Variants in HLTF observed in about 807,000 individuals in gnomAD.
HLTF encodes the protein DNA-dependent ATPase/E3 ubiquitin-protein ligase HLTF.
HLTF carries 127 observed loss-of-function variants against 129.4 expected under a neutral mutation model. The observed-to-expected ratio is 0.98, with a 90% CI of 0.85 to 1.14. The LOEUF (loss-of-function observed/expected upper bound fraction) is 1.14, where lower values mean the gene tolerates loss of function less well. Among genes scored for constraint, HLTF ranks in the 50% most tolerant of loss-of-function variants. The pLI, the probability that HLTF is intolerant of heterozygous loss-of-function variation, is 0.00. For synonymous variants in HLTF, 332 were observed against 388.8 expected (o/e 0.85, Z 1.72); for missense variants, 1,139 against 1,187.1 (o/e 0.96, Z 0.60).
At chr3:149,054,706 T>G (rs984282038) in intron 14 of HLTF, among the ~76,000 whole-genome samples, 1 of 152,152 alleles carries the variant, frequency 6.6e-6, no homozygotes, top group Non-Finnish European at 1.5e-5. Context: ...AAAAAATTTC[T>G]GATGGGTAGT....
At chr3:149,051,944 A>C (rs544803961) in intron 14 of HLTF, 3 of 152,182 alleles carry the variant, frequency 2.0e-5, no homozygotes, top group Non-Finnish European at 4.4e-5. Flanking sequence ...GAACGAGGTC[A>C]GGAGTTCGAG....
At chr3:149,063,864 A>C (rs1032486429) in intron 9 of HLTF, among the ~76,000 whole-genome samples, 3 of 152,122 alleles carry the variant, frequency 2.0e-5, no homozygotes, top group Admixed American at 1.3e-4. Context: ...TTACATGTTC[A>C]AATCTCAGAT....
intron 18 of HLTF, among the ~76,000 whole-genome samples, chr3:149,043,296 G>A (rs975329780): frequency 6.6e-6 from 1 of 151,498 alleles, no homozygotes; most frequent in Non-Finnish European, 1.5e-5. Flanking sequence ...AGAAAAGGAT[G>A]TAGGAAACAG....
intron 10 of HLTF, chr3:149,063,004 A>G (rs889995951): frequency 1.8e-5 from 8 of 453,986 alleles, no homozygotes; most frequent in Non-Finnish European, 3.1e-5. Context: ...AAATAAAAGA[A>G]TGTATTTGAA....
chr3:149,043,143 T>C (rs536109463), intron 18 of HLTF, among the ~76,000 whole-genome samples: 95 of 148,672 alleles, frequency 6.4e-4, no homozygotes, highest in African/African-American at 2.2e-3. Flanking sequence ...TGAAAAAATA[T>C]GGCAAGAGAA....
chr3:149,048,193 T>C (rs774672173), intron 16 of HLTF, 30 bp from the exon 17 acceptor site: 1 of 1,571,720 alleles, frequency 6.4e-7, no homozygotes, highest in Admixed American at 1.9e-5. Context: ...GTTATAACTC[T>C]TTAACCAGAG....
At chr3:149,047,210 A>G (rs1716617270) in intron 17 of HLTF, among the ~76,000 whole-genome samples, 1 of 44,130 alleles carries the variant, frequency 2.3e-5, no homozygotes, top group African/African-American at 2.2e-4. Context: ...GTTGAACCAC[A>G]TTACATCTTG....
intron 8 of HLTF, among the ~76,000 whole-genome samples, chr3:149,067,035 G>A (rs1357198961): frequency 6.6e-6 from 1 of 151,982 alleles, no homozygotes; most frequent in African/African-American, 2.4e-5. Context: ...ACATCTTTTT[G>A]CTATTTCCTT....
intron 18 of HLTF, among the ~76,000 whole-genome samples, chr3:149,044,692 T>C (rs1313586826): frequency 6.6e-6 from 1 of 152,158 alleles, no homozygotes; most frequent in Non-Finnish European, 1.5e-5. Context: ...ATCTCTGCTC[T>C]TCCCATAGAC....
At chr3:149,053,602 A>C (rs1717174876) in intron 14 of HLTF, among the ~76,000 whole-genome samples, 1 of 152,158 alleles carries the variant, frequency 6.6e-6, no homozygotes, top group South Asian at 2.1e-4. Flanking sequence ...ATTTCTTTAT[A>C]GCAATGCAAG....
In HLTF at chr3:149,086,471, A is replaced by C. The variant is rs1350200979; in HGVS notation, c.-135T>G. 4 of 987,912 alleles carry C rather than the reference A, an allele frequency of 4.0e-6. No homozygotes were observed. Among genetic ancestry groups the C allele is most frequent in the Non-Finnish European group, 4.5e-6 (3 of 660,234 alleles). 61.2% of individuals were successfully genotyped at this position (987,912 alleles called of 1,614,324 possible). A position where few individuals can be genotyped will look rare whatever the true frequency, so the allele number is the denominator to read the frequency against. ...CCGAGCGCCGGATCAGGAGCGCACG[A>C]CTGAAAGGTAAGTCGCCGCGAGTCC... On this transcript the variant is annotated 5_prime_UTR_variant, in exon 1 of 25. Transcript: ENST00000310053.
intron 13 of HLTF, 132 bp downstream of exon 13, chr3:149,059,586 G>A: frequency 1.6e-6 from 1 of 617,128 alleles, no homozygotes; most frequent in Non-Finnish European, 2.9e-6. Context: ...CTTTTAATGG[G>A]TTATATACTT....
chr3:149,042,310 ATAT>A lies in HLTF; in HGVS notation c.2073-23_2073-21del, dbSNP rs760444280. ...AAATACCTAGAGATTAAAATGTCAAATATTATTAAGTCCGCTAAACAATAATAA... is the reference window on the plus strand; with the variant it reads ...AAATACCTAGAGATTAAAATGTCAAATATTAAGTCCGCTAAACAATAATAA... On this transcript the variant is annotated intron_variant, in intron 18 of 24. Coordinates refer to ENST00000310053, the MANE Select transcript of HLTF (RefSeq NM_003071.4). 6.3e-7 allele frequency: 1 copy of A among 1,593,970 alleles called. No homozygotes were observed. Among genetic ancestry groups the A allele is most frequent in the East Asian group, 2.2e-5 (1 of 44,650 alleles).
intron 19 of HLTF, 89 bp downstream of exon 19, chr3:149,042,072 ATAAAC>A: frequency 9.0e-7 from 1 of 1,107,702 alleles, no homozygotes; most frequent in Non-Finnish European, 1.3e-6. Flanking sequence ...ACAGAACAAA[ATAAAC>A]TAAATGTATG....
chr3:149,084,324 A>C (rs180847034), intron 2 of HLTF, among the ~76,000 whole-genome samples: 1 of 152,110 alleles, frequency 6.6e-6, no homozygotes, highest in African/African-American at 2.4e-5. Context: ...AAGCTTAAAC[A>C]TAAGAAACAT....
At chr3:149,078,959 T>C (rs897988568) in intron 2 of HLTF, among the ~76,000 whole-genome samples, 4 of 151,734 alleles carry the variant, frequency 2.6e-5, no homozygotes, top group Admixed American at 6.6e-5. Flanking sequence ...CAAACAGCAA[T>C]TCTAGAGTCA....
intron 2 of HLTF, among the ~76,000 whole-genome samples, chr3:149,081,174 T>C (rs1416762831): frequency 6.6e-6 from 1 of 151,700 alleles, no homozygotes; most frequent in South Asian, 2.1e-4. Flanking sequence ...TAACTGTATT[T>C]TAAAATAGAA....
At chr3:149,077,121 G>A (rs548408619) in intron 2 of HLTF, among the ~76,000 whole-genome samples, 18 of 152,048 alleles carry the variant, frequency 1.2e-4, no homozygotes, top group African/African-American at 3.9e-4. Flanking sequence ...GGTGGCACGC[G>A]CCTGTAGTCC....
At position 149,067,540 on chromosome 3, in the gene HLTF, T is replaced by G. The variant is rs149813830; in HGVS notation, c.990+700A>C. On this transcript the variant is annotated intron_variant, in intron 8 of 24. Coordinates refer to ENST00000310053, the MANE Select transcript of HLTF (RefSeq NM_003071.4). ...GTTTTAGAGACAGGGTCTCACAGTG[T>G]CACTGAAGGTGGAGTGCAATAGTGC... 9.2e-5 allele frequency among the ~76,000 whole-genome samples: 14 copies of G among 152,226 alleles called. No individual in the cohort carries two copies. The East Asian group carries it at 2.7e-3, about 29-fold the overall frequency.
Sources: allele counts gnomAD v4.1 joint callset (sites outside exome capture counted in the v4.1 genomes callset), GRCh38; gene constraint gnomAD v4.1.1; transcripts MANE v1.5; gene names NCBI Gene and HGNC (gene_info 2026-07-23, HGNC 2026-07-21).